Variants in NEDD4 observed in about 807,000 individuals in gnomAD.
The protein encoded by NEDD4 is NEDD4 E3 ubiquitin protein ligase, also known as E3 ubiquitin-protein ligase NEDD4.
NEDD4 carries 99 observed loss-of-function variants against 144.9 expected under a neutral mutation model. The ratio of observed to expected loss-of-function variants is 0.68; its 90% CI spans 0.58 to 0.81. The LOEUF (loss-of-function observed/expected upper bound fraction) is 0.81. Among genes scored for constraint, NEDD4 ranks in the 30% least tolerant of loss-of-function variants. The pLI is 0.00. For missense variants in NEDD4, 985 were observed against 1,065.9 expected, an observed-to-expected ratio of 0.92 and a Z score of 1.06; for synonymous variants, 318 against 350.6, an observed-to-expected ratio of 0.91 and a Z score of 1.04.
intron 5 of NEDD4, among the ~76,000 whole-genome samples, chr15:55,884,909 T>C (rs1307994557): frequency 1.3e-5 from 2 of 152,142 alleles, no homozygotes; most frequent in Admixed American, 1.3e-4. Context: ...AACAGAGAAC[T>C]GTCCAAACCT....
At chr15:55,915,830 G>C (rs1253823930) in intron 5 of NEDD4, 17 of 1,613,552 alleles carry the variant, frequency 1.1e-5, no homozygotes, top group Non-Finnish European at 1.4e-5. Flanking sequence ...CTTCTCCGGG[G>C]GTACAAATTG....
chr15:55,916,887 C>T (rs1165550013), intron 5 of NEDD4: 10 of 1,532,110 alleles, frequency 6.5e-6, no homozygotes, highest in South Asian at 2.6e-5. Context: ...GATCTCTGTC[C>T]GTAGACAGGC....
chr15:55,973,532 G>C (rs1407306453), intron 1 of NEDD4, among the ~76,000 whole-genome samples: 2 of 152,048 alleles, frequency 1.3e-5, no homozygotes, highest in Non-Finnish European at 2.9e-5. Context: ...GAGTAGCCCT[G>C]TCTTGAAAAA....
chr15:55,841,047 T>A (rs2033479729), intron 19 of NEDD4, among the ~76,000 whole-genome samples: 1 of 152,058 alleles, frequency 6.6e-6, no homozygotes, highest in Non-Finnish European at 1.5e-5. Flanking sequence ...GATTCTCCTG[T>A]CTCAGCCTCC....
At chr15:55,838,722 C>T in intron 21 of NEDD4, 118 bp from the exon 22 acceptor site, 1 of 634,390 alleles carries the variant, frequency 1.6e-6, no homozygotes, top group Non-Finnish European at 2.7e-6. Flanking sequence ...GATGGACATC[C>T]TTTACTTACA....
intron 4 of NEDD4, among the ~76,000 whole-genome samples, chr15:55,937,208 C>T (rs2036910763): frequency 6.6e-6 from 1 of 152,124 alleles, no homozygotes; most frequent in Non-Finnish European, 1.5e-5. Context: ...ATAAAACTGC[C>T]TTCAACTTCT....
intron 4 of NEDD4, among the ~76,000 whole-genome samples, chr15:55,926,556 C>G (rs2142238664): frequency 6.6e-6 from 1 of 152,166 alleles, no homozygotes; most frequent in African/African-American, 2.4e-5. Context: ...TCACTTGAGC[C>G]CAGGAGTTGG....
rs1318933000 is a variant in NEDD4 at position 55,966,492 on chromosome 15, T to A, written c.100A>T (p.Lys34Ter). ...ACTTACCTAGCTCCCAATATATCCT[T>A]CTTGGCAAGGCCTATTCCGGCTATA... is the stretch of plus-strand genomic sequence containing the variant. ...RVIAGIGLAK[K>*]DILGASDPYV... is the part of the protein sequence containing the mutation. Residue 34 changes from lysine (K) to a stop codon, truncating the protein, a stop_gained, in exon 2 of 29, where the codon AAG (lysine) becomes TAG (stop). Transcript: ENST00000435532. LOFTEE classifies it high-confidence loss of function. The A allele has an allele frequency of 6.5e-7, 1 of 1,535,172 alleles. No individual in the cohort carries two copies. The highest frequency in any genetic ancestry group is 2.1e-5 in the Admixed American group (1 of 46,922).
At position 55,850,663 on chromosome 15, in the gene NEDD4, C is replaced by G. The variant is rs2033948764; in HGVS notation, c.1226G>C (p.Gly409Ala). 5.6e-6 allele frequency: 9 copies of G among 1,614,138 alleles called. No homozygotes were observed. The East Asian group carries it at 2.0e-4, about 36-fold the overall frequency. ...TTCAGATGGCTGGGTCACCTGCTGG[C>G]CTGAATCACTGGTGGAGGCTTGTGA... is the stretch of plus-strand genomic sequence containing the variant. ...PQSQASTSDS[G>A]QQVTQPSEIE... The change falls in exon 14 of 29, where the codon GGC becomes GCC. Residue 409 changes from glycine to alanine, a missense_variant. Transcript: ENST00000435532.
At chr15:55,938,115 C>T (rs986539784) in intron 4 of NEDD4, among the ~76,000 whole-genome samples, 9 of 152,146 alleles carry the variant, frequency 5.9e-5, no homozygotes, top group African/African-American at 1.9e-4. Flanking sequence ...AATCCTAGCA[C>T]TTTGGGAGGC....
intron 1 of NEDD4, among the ~76,000 whole-genome samples, chr15:55,979,336 CCTCTTTT>C (rs1280813601): frequency 1.3e-5 from 1 of 76,336 alleles, no homozygotes; most frequent in Non-Finnish European, 2.4e-5. Context: ...AAAGTTTTTA[CCTCTTTT>C]TTTTTTTTTT....
At chr15:55,841,875 C>T (rs1341731184) in intron 19 of NEDD4, 59 bp downstream of exon 19, 2 of 1,484,704 alleles carry the variant, frequency 1.3e-6, no homozygotes, top group Admixed American at 3.4e-5. Context: ...CCGGCCGACT[C>T]TTACTTTTAA....
rs574315479 is a variant in NEDD4 at position 55,903,596 on chromosome 15, G to A, written c.291+21050C>T. 1.1e-4 allele frequency among the ~76,000 whole-genome samples: 16 copies of A among 152,096 alleles called. No homozygotes were observed. The South Asian group carries it at 3.3e-3, about 32-fold the overall frequency. ...TCCCAGCACTTTGGGAGGCCGAGGT[G>A]GGTGGATCACGAGGTCAGGAGATCG... is the stretch of plus-strand genomic sequence containing the variant. On this transcript the variant is annotated intron_variant, in intron 5 of 28. Coordinates refer to ENST00000435532, the MANE Select transcript of NEDD4 (RefSeq NM_006154.4).
At chr15:55,927,994 C>G (rs1272886074) in intron 4 of NEDD4, among the ~76,000 whole-genome samples, 1 of 152,112 alleles carries the variant, frequency 6.6e-6, no homozygotes, top group Non-Finnish European at 1.5e-5. Context: ...TAATTAATAG[C>G]TTATAACAGG....
intron 12 of NEDD4, among the ~76,000 whole-genome samples, chr15:55,855,811 G>C (rs1414069241): frequency 6.6e-6 from 1 of 152,228 alleles, no homozygotes; most frequent in African/African-American, 2.4e-5. Context: ...TGCATGTGCA[G>C]AACATCAGCA....
intron 2 of NEDD4, among the ~76,000 whole-genome samples, chr15:55,957,983 G>A (rs1401862467): frequency 6.6e-6 from 1 of 152,150 alleles, no homozygotes; most frequent in Non-Finnish European, 1.5e-5. Flanking sequence ...GTGGGGGAAG[G>A]GGTGAGGGAT....
intron 11 of NEDD4, among the ~76,000 whole-genome samples, chr15:55,857,206 T>C (rs1439164291): frequency 6.6e-6 from 1 of 152,256 alleles, no homozygotes; most frequent in Non-Finnish European, 1.5e-5. Context: ...AAAGTTTCTA[T>C]ATATGTATGC....
At chr15:55,987,223 T>G (rs2037910868) in intron 1 of NEDD4, 1 of 58,378 alleles carries the variant, frequency 1.7e-5, no homozygotes, top group Non-Finnish European at 3.4e-5. Flanking sequence ...TGATGGCCAG[T>G]GATGATGAGC....
intron 24 of NEDD4, among the ~76,000 whole-genome samples, chr15:55,836,843 G>T (rs1371241959): frequency 1.3e-5 from 2 of 151,620 alleles, no homozygotes; most frequent in African/African-American, 4.8e-5. Context: ...ATTTTTTATA[G>T]AGATAAGGTC....
Sources: gnomAD v4.1 joint callset for allele counts (sites outside exome capture counted in the v4.1 genomes callset) on GRCh38, gnomAD v4.1.1 for gene constraint, MANE v1.5 for transcripts, NCBI Gene and HGNC (gene_info 2026-07-23, HGNC 2026-07-21) for gene names.